The following B3GALT1 variants were observed in gnomAD, a reference collection of about 807,000 sequenced individuals.
B3GALT1 encodes UDP-Gal:betaGlcNAc beta 1,3-galactosyltransferase, polypeptide 1.
In B3GALT1, 10 loss-of-function variants were observed where a neutral mutation model predicts 23.2. The ratio of observed to expected loss-of-function variants is 0.43; its 90% CI spans 0.27 to 0.73. The LOEUF is 0.73. B3GALT1 is among the 30% of genes least tolerant of loss of function. The pLI is 0.21. For missense variants in B3GALT1, 299 were observed against 405.4 expected, an observed-to-expected ratio of 0.74 and a Z score of 2.25; for synonymous variants, 156 against 141.5, an observed-to-expected ratio of 1.10 and a Z score of -0.73.
intron 2 of B3GALT1, among the ~76,000 whole-genome samples, chr2:167,560,632 CA>C (rs955052790): frequency 1.8e-4 from 27 of 150,836 alleles, no homozygotes; most frequent in African/African-American, 6.3e-4. Flanking sequence ...AAATGGAAAA[CA>C]AAAAAAGGCA....
In B3GALT1 at chr2:167,320,190, C is replaced by CTT. The variant is rs35189136; in HGVS notation, c.-511+26869_-511+26870dup. 2.7e-4 allele frequency among the ~76,000 whole-genome samples: 39 copies of CTT among 142,298 alleles called. 1 individual carries two copies. Among genetic ancestry groups the CTT allele is most frequent in the African/African-American group, 6.4e-4 (25 of 38,782 alleles). The allele number at this position is 142,298 out of a possible 152,430, so 93.4% of individuals were successfully genotyped here. A position where few individuals can be genotyped will look rare whatever the true frequency, so the allele number is the denominator to read the frequency against. ...ACATCCTGAGCTCCTGAGCTATCTC[C>CTT]TTTTTTTTTTTTTTCCTGAGATGGA... On this transcript the variant is annotated intron_variant, in intron 1 of 4. Coordinates refer to ENST00000392690, the MANE Select transcript of B3GALT1 (RefSeq NM_020981.4).
chr2:167,400,182 G>GTGTGTGTGTGTGTC (rs1553517159), intron 1 of B3GALT1, among the ~76,000 whole-genome samples: 1 of 151,366 alleles, frequency 6.6e-6, no homozygotes, highest in Admixed American at 6.6e-5. Flanking sequence ...GTGTGTGTGT[G>GTGTGTGTGTGTGTC]TGTGTGTGTG....
intron 3 of B3GALT1, among the ~76,000 whole-genome samples, chr2:167,773,107 A>G (rs562387029): frequency 5.9e-5 from 9 of 152,310 alleles, no homozygotes; most frequent in African/African-American, 1.2e-4. Flanking sequence ...GAAATTTTTA[A>G]TTCAATAAGT....
At chr2:167,443,275 T>C (rs542802625) in intron 1 of B3GALT1, among the ~76,000 whole-genome samples, 1 of 152,316 alleles carries the variant, frequency 6.6e-6, no homozygotes, top group Non-Finnish European at 1.5e-5. Context: ...TTGGTTACTG[T>C]AGCCTTGTAG....
At chr2:167,395,649 G>A (rs1024665654) in intron 1 of B3GALT1, among the ~76,000 whole-genome samples, 4 of 152,088 alleles carry the variant, frequency 2.6e-5, no homozygotes, top group Non-Finnish European at 5.9e-5. Flanking sequence ...ATTTCAAGCT[G>A]CTAAGTGTGG....
intron 1 of B3GALT1, among the ~76,000 whole-genome samples, chr2:167,326,966 A>G (rs2105497388): frequency 6.6e-6 from 1 of 152,204 alleles, no homozygotes; most frequent in Middle Eastern, 3.4e-3. Flanking sequence ...CTGGGGTTAC[A>G]GGCATGAGCC....
intron 3 of B3GALT1, among the ~76,000 whole-genome samples, chr2:167,776,952 C>T (rs1282920979): frequency 1.3e-5 from 2 of 152,080 alleles, no homozygotes; most frequent in African/African-American, 2.4e-5. Flanking sequence ...TGTGTGTACA[C>T]AGGCTAAGGT....
intron 1 of B3GALT1, among the ~76,000 whole-genome samples, chr2:167,302,265 A>T (rs1286266891): frequency 6.6e-6 from 1 of 152,160 alleles, no homozygotes; most frequent in Non-Finnish European, 1.5e-5. Flanking sequence ...TAGTAGGATG[A>T]TAGGGATTTC....
intron 2 of B3GALT1, among the ~76,000 whole-genome samples, chr2:167,543,304 A>T (rs1009496973): frequency 6.6e-6 from 1 of 152,194 alleles, no homozygotes; most frequent in Admixed American, 6.5e-5. Context: ...TTGAGCAAAG[A>T]TTATATAGAT....
intron 3 of B3GALT1, among the ~76,000 whole-genome samples, chr2:167,781,657 G>A (rs1688246507): frequency 2.0e-5 from 3 of 152,166 alleles, no homozygotes; most frequent in Admixed American, 2.0e-4. Flanking sequence ...TCTCAGGCAG[G>A]GAATGGACCA....
intron 2 of B3GALT1, among the ~76,000 whole-genome samples, chr2:167,576,947 C>A (rs1043021232): frequency 2.0e-5 from 3 of 151,690 alleles, no homozygotes; most frequent in Non-Finnish European, 4.4e-5. Context: ...AAAGAGAAAT[C>A]CTATCCCTGA....
intron 2 of B3GALT1, among the ~76,000 whole-genome samples, chr2:167,518,031 A>T (rs1479040822): frequency 6.6e-6 from 1 of 152,016 alleles, no homozygotes; most frequent in East Asian, 1.9e-4. Context: ...CAACAACAAC[A>T]ACAACAAAAA....
chr2:167,843,796 C>A (rs949329370), intron 4 of B3GALT1, among the ~76,000 whole-genome samples: 6 of 152,164 alleles, frequency 3.9e-5, no homozygotes, highest in Non-Finnish European at 8.8e-5. Context: ...GTTGTAGTTG[C>A]AGAATGATGA....
intron 1 of B3GALT1, among the ~76,000 whole-genome samples, chr2:167,446,579 C>G (rs1030115863): frequency 6.6e-5 from 10 of 152,084 alleles, no homozygotes; most frequent in Non-Finnish European, 1.3e-4. Flanking sequence ...ACTCTTTTTT[C>G]TCTAAACTTC....
chr2:167,574,406 G>A (rs1684348959), intron 2 of B3GALT1, among the ~76,000 whole-genome samples: 2 of 151,726 alleles, frequency 1.3e-5, no homozygotes, highest in Admixed American at 1.3e-4. Flanking sequence ...GACAAAGTAG[G>A]GACCATTTGA....
chr2:167,669,545 A>G (rs910183691), intron 3 of B3GALT1, among the ~76,000 whole-genome samples: 17 of 152,220 alleles, frequency 1.1e-4, no homozygotes, highest in African/African-American at 4.1e-4. Flanking sequence ...ATTTTGAAGT[A>G]TATGTATACT....
chr2:167,341,201 A>T (rs1274168564), intron 1 of B3GALT1, among the ~76,000 whole-genome samples: 1 of 152,206 alleles, frequency 6.6e-6, no homozygotes, highest in African/African-American at 2.4e-5. Context: ...TCCTCAAAAC[A>T]ATTCAACAAG....
chr2:167,717,560 CT>C (rs1459562435), intron 3 of B3GALT1, among the ~76,000 whole-genome samples: 1 of 151,928 alleles, frequency 6.6e-6, no homozygotes, highest in African/African-American at 2.4e-5. Flanking sequence ...TAATTGTCAT[CT>C]TTTTTTGGTT....
chr2:167,714,557 T>C, intron 3 of B3GALT1: 2 of 1,613,288 alleles, frequency 1.2e-6, no homozygotes, highest in Non-Finnish European at 1.7e-6. Context: ...ATCAAGTGCA[T>C]TAGGATCTTT....
Sources: allele counts gnomAD v4.1 joint callset (sites outside exome capture counted in the v4.1 genomes callset), GRCh38; gene constraint gnomAD v4.1.1; transcripts MANE v1.5; gene names NCBI Gene and HGNC (gene_info 2026-07-23, HGNC 2026-07-21).